CEP162: variants seen among roughly 807,000 people sequenced by gnomAD.
The protein encoded by CEP162 is centrosomal protein 162.
A neutral mutation model predicts 169.2 loss-of-function variants in CEP162; 141 were observed. That is an observed-to-expected ratio of 0.83 (90% confidence interval 0.73 to 0.96). The LOEUF (loss-of-function observed/expected upper bound fraction) is 0.96, where lower values mean the gene tolerates loss of function less well. Ranked by LOEUF, CEP162 falls within the 40% of genes least tolerant of loss-of-function variation. CEP162 has a pLI of 0.00. For missense variants in CEP162, 1,600 were observed against 1,587.2 expected (o/e 1.01, Z -0.14); for synonymous variants, 540 against 526.4 (o/e 1.03, Z -0.35).
intron 11 of CEP162, 113 bp from the exon 12 acceptor site, chr6:84,186,736 C>A: frequency 8.3e-6 from 7 of 838,324 alleles, no homozygotes; most frequent in Non-Finnish European, 1.3e-5. Flanking sequence ...GAATTGTTAA[C>A]TATTCAAATT....
chr6:84,134,894 T>G (rs1458975896), intron 25 of CEP162, among the ~76,000 whole-genome samples: 1 of 149,478 alleles, frequency 6.7e-6, no homozygotes, highest in Non-Finnish European at 1.5e-5. Flanking sequence ...AATAAAGATA[T>G]ATACTGTCAT....
intron 25 of CEP162, among the ~76,000 whole-genome samples, chr6:84,127,958 C>T (rs1271823416): frequency 3.9e-5 from 6 of 152,160 alleles, no homozygotes; most frequent in Admixed American, 1.3e-4. Flanking sequence ...TTATGATGTG[C>T]TAGGCATTAG....
At chr6:84,182,556 C>T (rs1405088427) in intron 13 of CEP162, among the ~76,000 whole-genome samples, 3 of 152,118 alleles carry the variant, frequency 2.0e-5, no homozygotes, top group African/African-American at 7.2e-5. Flanking sequence ...ACCCCCTGAA[C>T]TCCATTCAAC....
At chr6:84,149,520 G>A (rs1231406130) in intron 24 of CEP162, 42 bp downstream of exon 24, 13 of 1,470,812 alleles carry the variant, frequency 8.8e-6, no homozygotes, top group East Asian at 2.4e-5. Flanking sequence ...AAGTCAAAAC[G>A]AGTTTATTCA....
At chr6:84,176,090 T>C (rs980830495) in intron 13 of CEP162, among the ~76,000 whole-genome samples, 4 of 151,974 alleles carry the variant, frequency 2.6e-5, no homozygotes, top group Admixed American at 1.3e-4. Flanking sequence ...ATTCAAATAC[T>C]ACAGGTCCTG....
chr6:84,211,700 C>T (rs1462027497), intron 6 of CEP162, among the ~76,000 whole-genome samples: 1 of 151,598 alleles, frequency 6.6e-6, no homozygotes, highest in Non-Finnish European at 1.5e-5. Flanking sequence ...TAAAACAAAG[C>T]TTAGCATTCT....
Position 84,174,953 on chromosome 6 carries a change from T to A in CEP162, c.1799A>T (p.Asp600Val), listed in dbSNP as rs1245587894. ...ETDSCIQFQT[D>V]SLGYCGENKE... Reference sequence around the variant, plus strand: ...GTTCTCACCACAGTATCCTAAGGAATCCTTTCAAGACAAAGCATTACTTCA... The same window carrying A: ...GTTCTCACCACAGTATCCTAAGGAAACCTTTCAAGACAAAGCATTACTTCA... The change falls in exon 15 of 27, where the codon GAT (aspartate) becomes GTT (valine). Residue 600 changes from aspartate (D) to valine (V), a missense_variant and splice_region_variant. Transcript: ENST00000403245. 25 of 1,579,744 alleles carry A rather than the reference T, an allele frequency of 1.6e-5. No homozygotes were observed. Among genetic ancestry groups the A allele is most frequent in the Non-Finnish European group, 2.1e-5 (24 of 1,156,234 alleles).
At chr6:84,216,646 A>G (rs1164502440) in intron 3 of CEP162, among the ~76,000 whole-genome samples, 1 of 152,192 alleles carries the variant, frequency 6.6e-6, no homozygotes, top group East Asian at 1.9e-4. Context: ...ATACTAAGAA[A>G]TTATTATAGA....
chr6:84,185,405 A>G lies in CEP162; in HGVS notation c.1445T>C (p.Met482Thr). 3.7e-6 allele frequency: 6 copies of G among 1,613,570 alleles called. No individual in the cohort carries two copies. The highest frequency in any genetic ancestry group is 5.1e-6 in the Non-Finnish European group (6 of 1,179,536). Residue 482 changes from methionine to threonine, a missense_variant, in exon 13 of 27, where the codon ATG (methionine) becomes ACG (threonine). By Grantham distance (81) the Met-to-Thr change is moderately conservative. Coordinates refer to ENST00000403245, the MANE Select transcript of CEP162 (RefSeq NM_014895.4). ...CTTCTTGTATGGTACCTGTTTACCC[A>G]TTACAGCCCCTTCTTCTTCAGAACT... ...QLSSEEEGAV[M>T]GKQVPYKKAR...
At position 84,215,864 on chromosome 6, in the gene CEP162, C is replaced by T. The variant is rs151322548; in HGVS notation, c.231G>A (p.Met77Ile). 444 of 1,582,064 alleles carry T rather than the reference C, an allele frequency of 2.8e-4. No homozygotes were observed. Among genetic ancestry groups the T allele is most frequent in the Admixed American group, 2.0e-4 (11 of 55,194 alleles). The change falls in exon 4 of 27, where the codon ATG becomes ATA. Residue 77 changes from methionine (M) to isoleucine (I), a missense_variant. By Grantham distance (10) the Met-to-Ile change is conservative (BLOSUM62 1). Coordinates refer to ENST00000403245, the MANE Select transcript of CEP162 (RefSeq NM_014895.4). ...LKTKKTSQPV[M>I]EIEEESAEKI... ...TTTCAGCAGACTCCTCTTCTATTTC[C>T]ATAACAGGCTGAGAAGTCTTCTTTG...
intron 6 of CEP162, among the ~76,000 whole-genome samples, chr6:84,204,573 A>T (rs2099545977): frequency 6.6e-6 from 1 of 152,258 alleles, no homozygotes; most frequent in Non-Finnish European, 1.5e-5. Context: ...GGACACATTT[A>T]AAGCAGTGTG....
At chr6:84,187,772 A>G (rs1304042766) in intron 11 of CEP162, among the ~76,000 whole-genome samples, 1 of 152,202 alleles carries the variant, frequency 6.6e-6, no homozygotes, top group Non-Finnish European at 1.5e-5. Flanking sequence ...GGCAGACCAC[A>G]TGCCAGCCGA....
chr6:84,193,834 C>A, intron 10 of CEP162, 144 bp from the exon 11 acceptor site: 1 of 479,580 alleles, frequency 2.1e-6, no homozygotes, highest in Non-Finnish European at 3.8e-6. Flanking sequence ...TCTTAAGTTT[C>A]CTTATACCAG....
At chr6:84,140,525 G>GT in intron 25 of CEP162, among the ~76,000 whole-genome samples, 1 of 150,672 alleles carries the variant, frequency 6.6e-6, no homozygotes, top group Non-Finnish European at 1.5e-5. Flanking sequence ...AGGCTTCTTG[G>GT]TTTTTTGTTT....
At position 84,164,126 on chromosome 6, in the gene CEP162, A is replaced by T. The variant is rs2099526844; in HGVS notation, c.2386-856T>A. 1.3e-5 allele frequency among the ~76,000 whole-genome samples: 2 copies of T among 152,246 alleles called. 1 individual carries two copies. The highest frequency in any genetic ancestry group is 4.1e-4 in the South Asian group (2 of 4,830). On this transcript the variant is annotated intron_variant, in intron 18 of 26. Coordinates refer to ENST00000403245, the MANE Select transcript of CEP162 (RefSeq NM_014895.4). ...AGCTCATCATCACTGGTCATAGAGA[A>T]ATGCAAATCAAAACCACAATGAGAT...
At chr6:84,204,614 C>A (rs1273913625) in intron 6 of CEP162, among the ~76,000 whole-genome samples, 1 of 152,074 alleles carries the variant, frequency 6.6e-6, no homozygotes. Context: ...TAAATGCCCA[C>A]AAGAAAAAGC....
rs2099546449 is a variant in CEP162, at chr6:84,205,371, A to G, written c.572-1275T>C. The stretch of plus-strand genomic sequence containing the variant: ...CAGCACATCAAAAAGCTTATCCACC[A>G]CGATCAAGTTGGCTTCATCCCTGGG... On this transcript the variant is annotated intron_variant, in intron 6 of 26. Transcript: ENST00000403245. Among the ~76,000 whole-genome samples the G allele has an allele frequency of 2.6e-5, 4 of 152,328 alleles. No individual in the cohort carries two copies. In the South Asian group the frequency reaches 8.3e-4, roughly 32 times the overall value.
intron 25 of CEP162, among the ~76,000 whole-genome samples, chr6:84,145,183 G>T (rs1351679599): frequency 6.6e-6 from 1 of 152,102 alleles, no homozygotes; most frequent in Non-Finnish European, 1.5e-5. Context: ...TTCCTGGCAA[G>T]CCCAGGAGCC....
chr6:84,219,335 A>G, intron 3 of CEP162: 1 of 385,840 alleles, frequency 2.6e-6, no homozygotes, highest in South Asian at 2.1e-5. Flanking sequence ...TTGCTTCTTG[A>G]CTATCCTTCT....
Sources: allele counts gnomAD v4.1 joint callset (sites outside exome capture counted in the v4.1 genomes callset), GRCh38; gene constraint gnomAD v4.1.1; transcripts MANE v1.5; gene names NCBI Gene and HGNC (gene_info 2026-07-23, HGNC 2026-07-21).